Variants in ARHGAP6 observed in about 807,000 individuals in gnomAD.
ARHGAP6 encodes the protein Rho GTPase activating protein 6.
A neutral mutation model predicts 55.7 loss-of-function variants in ARHGAP6; 16 were observed. The observed-to-expected ratio is 0.29, with a 90% CI of 0.19 to 0.44. The LOEUF is 0.44. Ranked by LOEUF, ARHGAP6 falls within the 20% of genes least tolerant of loss-of-function variation. The pLI is 1.00. For synonymous variants in ARHGAP6, 382 were observed against 360.9 expected (o/e 1.06, Z -0.66); for missense variants, 698 against 808.9 (o/e 0.86, Z 1.66).
intron 1 of ARHGAP6, among the ~76,000 whole-genome samples, chrX:11,281,746 T>C (rs956134139): frequency 8.9e-6 from 1 of 112,093 alleles, no homozygotes; most frequent in Admixed American, 9.5e-5. Context: ...AGGATGGGAT[T>C]TGTGGGACTT....
intron 1 of ARHGAP6, among the ~76,000 whole-genome samples, chrX:11,414,536 C>T (rs923937127): frequency 1.8e-5 from 2 of 108,149 alleles, no homozygotes; most frequent in Admixed American, 1.0e-4. Flanking sequence ...GATATGATCA[C>T]GTACAGAGCA....
chrX:11,390,066 C>G (rs1158307939), intron 1 of ARHGAP6, among the ~76,000 whole-genome samples: 2 of 112,078 alleles, frequency 1.8e-5, no homozygotes, highest in Admixed American at 9.4e-5. Flanking sequence ...TTAGGTCTAA[C>G]ATTTAAGTCT....
intron 1 of ARHGAP6, among the ~76,000 whole-genome samples, chrX:11,440,010 A>G (rs1460021473): frequency 8.9e-6 from 1 of 112,757 alleles, no homozygotes; most frequent in Non-Finnish European, 1.9e-5. Context: ...ATTTGGACAC[A>G]TGCTTGTTAA....
At chrX:11,181,195 C>T (rs1442765892) in intron 6 of ARHGAP6, among the ~76,000 whole-genome samples, 1 of 111,812 alleles carries the variant, frequency 8.9e-6, no homozygotes, top group Admixed American at 9.5e-5. Context: ...TAAAAACCAA[C>T]CAACCAATCA....
intron 1 of ARHGAP6, among the ~76,000 whole-genome samples, chrX:11,428,720 G>C (rs755269668): frequency 1.6e-4 from 18 of 111,805 alleles, no homozygotes; most frequent in Non-Finnish European, 3.0e-4. Flanking sequence ...GGGAGGAGAG[G>C]GGAGGAAAGT....
At chrX:11,324,718 T>C (rs757490468) in intron 1 of ARHGAP6, among the ~76,000 whole-genome samples, 1 of 111,519 alleles carries the variant, frequency 9.0e-6, no homozygotes, top group Non-Finnish European at 1.9e-5. Context: ...AAATGGCGGG[T>C]ATCATTGATC....
At chrX:11,231,362 A>G (rs1391454529) in intron 2 of ARHGAP6, among the ~76,000 whole-genome samples, 1 of 112,430 alleles carries the variant, frequency 8.9e-6, no homozygotes, top group Non-Finnish European at 1.9e-5. Context: ...AGCACTAAAT[A>G]TATCCTTAGA....
chrX:11,222,340 G>C (rs1351669085), intron 2 of ARHGAP6, among the ~76,000 whole-genome samples: 1 of 111,934 alleles, frequency 8.9e-6, no homozygotes, highest in Non-Finnish European at 1.9e-5. Flanking sequence ...TATTTGGAAA[G>C]CTTTGCTCTG....
chrX:11,229,756 T>C (rs1198567284), intron 2 of ARHGAP6, among the ~76,000 whole-genome samples: 1 of 112,016 alleles, frequency 8.9e-6, no homozygotes, highest in Admixed American at 9.5e-5. Flanking sequence ...AATACCCTCA[T>C]TGGGAGGAGA....
intron 1 of ARHGAP6, among the ~76,000 whole-genome samples, chrX:11,532,836 G>C (rs778559737): frequency 2.9e-4 from 32 of 111,448 alleles, no homozygotes; most frequent in African/African-American, 1.0e-3. Context: ...TTTCCCATCT[G>C]GCCATTAACA....
At chrX:11,608,278 T>C (rs1273139389) in intron 1 of ARHGAP6, among the ~76,000 whole-genome samples, 1 of 112,033 alleles carries the variant, frequency 8.9e-6, no homozygotes, top group East Asian at 2.8e-4. Flanking sequence ...ATGATGGTTC[T>C]GGTACATTTT....
intron 1 of ARHGAP6, among the ~76,000 whole-genome samples, chrX:11,608,236 T>G (rs1044792643): frequency 1.8e-5 from 2 of 111,704 alleles, no homozygotes; most frequent in Admixed American, 9.5e-5. Context: ...ACAAATAAAT[T>G]TAAGTAATGG....
Position 11,665,102 on chromosome X carries a change from C to G in ARHGAP6, c.-274G>C. ...TAGAACCTTCCTCCGGAGCCCAAGA[C>G]GCGAAGAGGGTCAGGAAGAGGAGGA... On this transcript the variant is annotated 5_prime_UTR_variant, in exon 1 of 13. Coordinates refer to ENST00000337414, the MANE Select transcript of ARHGAP6 (RefSeq NM_013427.3). 3.4e-6 allele frequency: 1 copy of G among 292,426 alleles called. No homozygotes were observed. The highest frequency in any genetic ancestry group is 5.9e-6 in the Non-Finnish European group (1 of 168,145). 24.1% of individuals were successfully genotyped at this position (292,426 alleles called of 1,213,427 possible).
At chrX:11,348,109 G>C (rs2048811518) in intron 1 of ARHGAP6, among the ~76,000 whole-genome samples, 1 of 112,183 alleles carries the variant, frequency 8.9e-6, no homozygotes, top group Non-Finnish European at 1.9e-5. Context: ...TTCTCTAGGA[G>C]ATAGTCAGTA....
intron 1 of ARHGAP6, among the ~76,000 whole-genome samples, chrX:11,351,011 T>A (rs925213160): frequency 6.5e-5 from 7 of 107,201 alleles, no homozygotes; most frequent in Non-Finnish European, 9.6e-5. Flanking sequence ...TGTCTTGGGG[T>A]AACAAACACC....
chrX:11,435,695 G>A (rs951183035), intron 1 of ARHGAP6, among the ~76,000 whole-genome samples: 4 of 111,812 alleles, frequency 3.6e-5, no homozygotes, highest in Admixed American at 9.5e-5. Flanking sequence ...TTTGTCCAAC[G>A]TCATGCAGAT....
chrX:11,488,823 C>T (rs367584079), intron 1 of ARHGAP6, among the ~76,000 whole-genome samples: 1 of 111,670 alleles, frequency 9.0e-6, no homozygotes, highest in Non-Finnish European at 1.9e-5. Context: ...CCATCCCCCC[C>T]ACAACCCTGG....
rs895219513 is a variant in ARHGAP6 at position 11,664,539 on chromosome X, C to G, written c.290G>C (p.Gly97Ala). The change falls in exon 1 of 13, where the codon GGA becomes GCA. Residue 97 changes from glycine to alanine, a missense_variant. Transcript: ENST00000337414. ...TGTGGAGAAGGACGAGCAAAGAGGT[C>G]CAGGAGGCGGTAGCCTGGTGGCCCT... ...PPRATRLPPP[G>A]PLCSSFSTPS... The G allele has an allele frequency of 6.7e-6, 8 of 1,198,591 alleles. No individual in the cohort carries two copies. The highest frequency in any genetic ancestry group is 2.3e-4 in the Middle Eastern group (1 of 4,351).
chrX:11,499,254 G>A (rs1339408908), intron 1 of ARHGAP6, among the ~76,000 whole-genome samples: 1 of 112,177 alleles, frequency 8.9e-6, no homozygotes, highest in Non-Finnish European at 1.9e-5. Context: ...ATTGAGTCAA[G>A]CTGACTTGTG....
Sources: gnomAD v4.1 joint callset for allele counts (sites outside exome capture counted in the v4.1 genomes callset) on GRCh38, gnomAD v4.1.1 for gene constraint, MANE v1.5 for transcripts, NCBI Gene and HGNC (gene_info 2026-07-23, HGNC 2026-07-21) for gene names.